The following CNTNAP2 variants were observed in gnomAD, a reference collection of about 807,000 sequenced individuals.
CNTNAP2 encodes the protein contactin associated protein 2, also known as contactin-associated protein-like 2.
CNTNAP2 carries 98 observed loss-of-function variants against 155.2 expected under a neutral mutation model. That is an observed-to-expected ratio of 0.63 (90% CI 0.54 to 0.75). The LOEUF (loss-of-function observed/expected upper bound fraction) is 0.75, where lower values mean the gene tolerates loss of function less well. Among genes scored for constraint, CNTNAP2 ranks in the 30% least tolerant of loss-of-function variants. The probability of loss-of-function intolerance (pLI) is 0.00; values close to 1 mark genes in which losing one functional copy is unlikely to be tolerated. For missense variants in CNTNAP2, 1,727 were observed against 1,688.1 expected, an observed-to-expected ratio of 1.02 and a Z score of -0.40; for synonymous variants, 651 against 631.2, an observed-to-expected ratio of 1.03 and a Z score of -0.47.
At chr7:146,457,524 A>G (rs1172484245) in intron 1 of CNTNAP2, among the ~76,000 whole-genome samples, 1 of 62,296 alleles carries the variant, frequency 1.6e-5, no homozygotes, top group African/African-American at 5.9e-5. Context: ...ATATATATAT[A>G]TATATATATA....
At chr7:147,537,619 C>G (rs1239773757) in intron 11 of CNTNAP2, among the ~76,000 whole-genome samples, 2 of 152,000 alleles carry the variant, frequency 1.3e-5, no homozygotes, top group African/African-American at 4.8e-5. Flanking sequence ...ATCTCCAATG[C>G]TAACACAATA....
intron 15 of CNTNAP2, among the ~76,000 whole-genome samples, chr7:148,035,405 GC>G: frequency 6.6e-6 from 1 of 152,218 alleles, no homozygotes; most frequent in South Asian, 2.1e-4. Context: ...TGGTTTCTCT[GC>G]CCAGGGCGGC....
chr7:147,279,263 A>G (rs1308834113), intron 8 of CNTNAP2, among the ~76,000 whole-genome samples: 2 of 151,756 alleles, frequency 1.3e-5, no homozygotes, highest in Admixed American at 1.3e-4. Context: ...AAGAAAAAGT[A>G]AAATATAATG....
At chr7:147,267,135 C>T (rs1804629938) in intron 8 of CNTNAP2, among the ~76,000 whole-genome samples, 2 of 152,086 alleles carry the variant, frequency 1.3e-5, no homozygotes, top group South Asian at 2.1e-4. Flanking sequence ...AGGGTGAACA[C>T]AAAAAGTCAT....
intron 10 of CNTNAP2, among the ~76,000 whole-genome samples, chr7:147,442,151 A>C (rs1363206028): frequency 6.6e-6 from 1 of 152,120 alleles, no homozygotes; most frequent in African/African-American, 2.4e-5. Flanking sequence ...GCCAGGGACT[A>C]GAGTCAACAA....
intron 12 of CNTNAP2, among the ~76,000 whole-genome samples, chr7:147,630,316 TAAAAA>T (rs71183024): frequency 1.1e-4 from 8 of 73,106 alleles, no homozygotes; most frequent in African/African-American, 2.1e-4. Context: ...GAAACAGTAG[TAAAAA>T]AAAAAAAAAA....
intron 16 of CNTNAP2, among the ~76,000 whole-genome samples, chr7:148,119,847 T>A (rs1585136082): frequency 6.6e-6 from 1 of 152,170 alleles, no homozygotes; most frequent in South Asian, 2.1e-4. Context: ...AGGATGCCCA[T>A]GGCAGATCTG....
intron 6 of CNTNAP2, chr7:147,121,532 T>C (rs1031107711): frequency 1.6e-5 from 3 of 190,398 alleles, no homozygotes; most frequent in Admixed American, 5.4e-5. Flanking sequence ...TTGTCTAATA[T>C]TTATTATAAA....
chr7:147,443,674 A>G (rs1220114377), intron 10 of CNTNAP2, among the ~76,000 whole-genome samples: 1 of 152,204 alleles, frequency 6.6e-6, no homozygotes, highest in Non-Finnish European at 1.5e-5. Context: ...GCATTCCAGC[A>G]TATGGCAACA....
At chr7:147,853,651 A>T (rs961701243) in intron 13 of CNTNAP2, among the ~76,000 whole-genome samples, 3 of 152,180 alleles carry the variant, frequency 2.0e-5, no homozygotes, top group Non-Finnish European at 4.4e-5. Context: ...CATAATCTGA[A>T]CTCTAACACA....
At chr7:146,763,521 T>C (rs969634236) in intron 1 of CNTNAP2, among the ~76,000 whole-genome samples, 2 of 152,194 alleles carry the variant, frequency 1.3e-5, no homozygotes, top group Non-Finnish European at 2.9e-5. Flanking sequence ...CTGTAGGCAC[T>C]CTATAAATTG....
At chr7:146,167,026 C>T (rs1038183914) in intron 1 of CNTNAP2, among the ~76,000 whole-genome samples, 25 of 152,192 alleles carry the variant, frequency 1.6e-4, no homozygotes, top group African/African-American at 5.8e-4. Flanking sequence ...TGGAGAATTT[C>T]TTCCCAGACA....
intron 4 of CNTNAP2, among the ~76,000 whole-genome samples, chr7:147,053,142 T>C (rs1799502792): frequency 6.6e-6 from 1 of 152,094 alleles, no homozygotes. Context: ...GTGCACATGA[T>C]AGATACTTTC....
intron 1 of CNTNAP2, among the ~76,000 whole-genome samples, chr7:146,697,042 G>A (rs1475991736): frequency 6.6e-6 from 1 of 152,102 alleles, no homozygotes; most frequent in East Asian, 1.9e-4. Flanking sequence ...GATTAACTAT[G>A]TCTTATTTGG....
chr7:147,754,633 T>G (rs529613694), intron 13 of CNTNAP2, among the ~76,000 whole-genome samples: 1 of 152,288 alleles, frequency 6.6e-6, no homozygotes, highest in Non-Finnish European at 1.5e-5. Context: ...AATCATGTAT[T>G]AGATGAGAAT....
At chr7:147,410,547 C>A (rs1189029756) in intron 10 of CNTNAP2, among the ~76,000 whole-genome samples, 2 of 152,026 alleles carry the variant, frequency 1.3e-5, no homozygotes, top group African/African-American at 4.8e-5. Context: ...AAAGTTAAAA[C>A]AAAACAAAAA....
At chr7:147,172,149 T>C (rs1802241150) in intron 8 of CNTNAP2, among the ~76,000 whole-genome samples, 1 of 152,208 alleles carries the variant, frequency 6.6e-6, no homozygotes, top group Admixed American at 6.5e-5. Flanking sequence ...AGCAGATTTC[T>C]CGATGACTAT....
At chr7:148,258,615 G>A (rs530775397) in intron 20 of CNTNAP2, among the ~76,000 whole-genome samples, 3 of 152,280 alleles carry the variant, frequency 2.0e-5, no homozygotes, top group Admixed American at 6.5e-5. Flanking sequence ...TTAGAAGGAC[G>A]GGTAGACACA....
intron 9 of CNTNAP2, among the ~76,000 whole-genome samples, chr7:147,322,478 G>T (rs984495882): frequency 2.0e-5 from 3 of 152,088 alleles, no homozygotes; most frequent in Non-Finnish European, 2.9e-5. Flanking sequence ...GTATACGGCT[G>T]TTTAACCTAA....
Sources: gnomAD v4.1 joint callset for allele counts (sites outside exome capture counted in the v4.1 genomes callset) on GRCh38, gnomAD v4.1.1 for gene constraint, MANE v1.5 for transcripts, NCBI Gene and HGNC (gene_info 2026-07-23, HGNC 2026-07-21) for gene names.